The following RELCH variants were observed in gnomAD, a reference collection of about 807,000 sequenced individuals.
RELCH encodes the protein RAB11-binding protein RELCH.
Under a neutral mutation model 150.3 loss-of-function variants are expected in RELCH, and 41 were observed. That is an observed-to-expected ratio of 0.27 (90% CI 0.21 to 0.35). The LOEUF (loss-of-function observed/expected upper bound fraction) is 0.35, where lower values mean the gene tolerates loss of function less well. Ranked by LOEUF, RELCH falls within the 10% of genes least tolerant of loss-of-function variation. RELCH has a pLI of 1.00. For missense variants in RELCH, 1,092 were observed against 1,467.8 expected (o/e 0.74, Z 4.18); for synonymous variants, 478 against 531.8 (o/e 0.90, Z 1.39).
chr18:62,268,819 T>G, intron 19 of RELCH, 50 bp from the exon 20 acceptor site: 1 of 967,982 alleles, frequency 1.0e-6, no homozygotes. Flanking sequence ...ATTTTTTTCT[T>G]TACACTTAAA....
At chr18:62,207,066 A>G (rs2039846791) in intron 1 of RELCH, among the ~76,000 whole-genome samples, 1 of 152,086 alleles carries the variant, frequency 6.6e-6, no homozygotes, top group South Asian at 2.1e-4. Context: ...ACAGAATTGT[A>G]CAACCATTAC....
At chr18:62,294,612 C>G (rs1002134242) in intron 27 of RELCH, among the ~76,000 whole-genome samples, 13 of 152,158 alleles carry the variant, frequency 8.5e-5, no homozygotes, top group African/African-American at 3.1e-4. Flanking sequence ...TTATGAATAT[C>G]TGTTTCCAAT....
intron 15 of RELCH, among the ~76,000 whole-genome samples, chr18:62,259,375 A>T (rs1210762633): frequency 6.6e-6 from 1 of 151,934 alleles, no homozygotes; most frequent in Non-Finnish European, 1.5e-5. Context: ...TCAAGAAAGC[A>T]ATCACATTTA....
At chr18:62,226,758 G>A (rs545849264) in intron 5 of RELCH, among the ~76,000 whole-genome samples, 28 of 152,122 alleles carry the variant, frequency 1.8e-4, no homozygotes, top group African/African-American at 6.5e-4. Flanking sequence ...TAAACCTATT[G>A]ATCTAGAAGG....
At position 62,275,444 on chromosome 18, in the gene RELCH, G is replaced by T. The variant is rs1290530426; in HGVS notation, c.2938G>T (p.Val980Leu). 1 of 1,607,132 alleles carries T rather than the reference G, an allele frequency of 6.2e-7. No individual in the cohort carries two copies. The highest frequency in any genetic ancestry group is 8.5e-7 in the Non-Finnish European group (1 of 1,176,224). The part of the protein sequence containing the change: ...WYGVVHTSAL[V>L]RCTAARMFEL... ...TGGTGTTGTCCATACTTCAGCACTC[G>T]TGAGGTGTACTGCTGCTAGAATGTT... Residue 980 changes from valine to leucine, a missense_variant, in exon 22 of 29, where the codon GTG (valine) becomes TTG (leucine). Val to Leu is a conservative substitution (Grantham distance 32). Coordinates refer to ENST00000644646, the MANE Select transcript of RELCH (RefSeq NM_001346231.2).
In RELCH at chr18:62,282,466, T is replaced by C. The variant is rs117792984; in HGVS notation, c.3253+22T>C. ...GAGTGTAAGTTGCATTTTTCTACCT[T>C]TTTCCTGAATTGTAATGTAAGATCA... On this transcript the variant is annotated intron_variant, in intron 25 of 28. Transcript: ENST00000644646. 1,247 of 1,607,788 alleles carry C rather than the reference T, an allele frequency of 7.8e-4. 16 individuals carry two copies. The East Asian group carries it at 0.024, about 31-fold the overall frequency.
chr18:62,264,897 AAATGT>A lies in RELCH; in HGVS notation c.2631+51_2631+55del, dbSNP rs773720828. ...GTTTTCTTATATGAAAAAGACATAG[AAATGT>A]AATGTGTTAACACTGTAACAGGGTA... On this transcript the variant is annotated intron_variant, in intron 18 of 28. Coordinates refer to ENST00000644646, the MANE Select transcript of RELCH (RefSeq NM_001346231.2). The A allele has an allele frequency of 1.0e-5, 15 of 1,487,972 alleles. No homozygotes were observed. The African/African-American group carries it at 2.0e-4, about 19-fold the overall frequency. The allele number at this position is 1,487,972 out of a possible 1,614,324, so 92.2% of individuals were successfully genotyped here. A position where few individuals can be genotyped will look rare whatever the true frequency, so the allele number is the denominator to read the frequency against.
chr18:62,255,507 A>G (rs866302703), intron 13 of RELCH, 29 bp downstream of exon 13: 19 of 1,521,640 alleles, frequency 1.2e-5, no homozygotes, highest in Middle Eastern at 1.7e-4. Flanking sequence ...TTTTCTTTAA[A>G]CTATTTTTCC....
At chr18:62,228,247 C>T (rs1169046979) in intron 7 of RELCH, 58 bp from the exon 8 acceptor site, 1 of 1,322,962 alleles carries the variant, frequency 7.6e-7, no homozygotes, top group Non-Finnish European at 1.1e-6. Flanking sequence ...GAGATTTATG[C>T]TAGTTTTCAA....
At chr18:62,211,653 A>G (rs532978335) in intron 2 of RELCH, among the ~76,000 whole-genome samples, 31 of 152,216 alleles carry the variant, frequency 2.0e-4, no homozygotes, top group African/African-American at 6.0e-4. Flanking sequence ...ATGGTGGTTC[A>G]CACCTGTAAT....
At chr18:62,272,958 T>G (rs1428341900) in intron 20 of RELCH, among the ~76,000 whole-genome samples, 2 of 152,006 alleles carry the variant, frequency 1.3e-5, no homozygotes, top group Admixed American at 1.3e-4. Flanking sequence ...AACTGTTATA[T>G]TCACCCTTTT....
At chr18:62,200,001 C>T (rs1369017593) in intron 1 of RELCH, among the ~76,000 whole-genome samples, 1 of 152,122 alleles carries the variant, frequency 6.6e-6, no homozygotes, top group East Asian at 1.9e-4. Flanking sequence ...AATAATCATT[C>T]TCTTTACTAA....
intron 2 of RELCH, among the ~76,000 whole-genome samples, chr18:62,212,995 A>G (rs1249292735): frequency 1.3e-5 from 2 of 152,228 alleles, no homozygotes; most frequent in Non-Finnish European, 2.9e-5. Flanking sequence ...AGAATAGTTT[A>G]ATGTGGCTCT....
intron 14 of RELCH, 38 bp from the exon 15 acceptor site, chr18:62,258,474 C>G (rs1473952137): frequency 6.6e-7 from 1 of 1,523,778 alleles, no homozygotes; most frequent in African/African-American, 1.4e-5. Context: ...TAAGTTTATC[C>G]CTTTAAAAAT....
At chr18:62,214,475 G>C (rs948959419) in intron 2 of RELCH, among the ~76,000 whole-genome samples, 2 of 152,106 alleles carry the variant, frequency 1.3e-5, no homozygotes, top group Admixed American at 6.5e-5. Context: ...AGCTCTCCCA[G>C]GCTACTCCTG....
chr18:62,275,712 T>G (rs2044171725), intron 22 of RELCH: 1 of 347,512 alleles, frequency 2.9e-6, no homozygotes, highest in East Asian at 5.1e-5. Context: ...TTATCACTTT[T>G]ATTTCTCAAA....
chr18:62,226,614 A>G (rs2041232166), intron 5 of RELCH, among the ~76,000 whole-genome samples: 1 of 152,080 alleles, frequency 6.6e-6, no homozygotes, highest in Non-Finnish European at 1.5e-5. Context: ...TAATCTAAAC[A>G]TGTTTTATGA....
At chr18:62,197,549 C>T (rs924072353) in intron 1 of RELCH, among the ~76,000 whole-genome samples, 4 of 152,098 alleles carry the variant, frequency 2.6e-5, no homozygotes, top group African/African-American at 9.7e-5. Flanking sequence ...TTCACATCTA[C>T]AGTATACTTA....
At chr18:62,281,225 A>G (rs1313530060) in intron 24 of RELCH, among the ~76,000 whole-genome samples, 1 of 152,236 alleles carries the variant, frequency 6.6e-6, no homozygotes, top group African/African-American at 2.4e-5. Context: ...GCCTTCTATT[A>G]CCCGGTAGGC....
Sources: gnomAD v4.1 joint callset for allele counts (sites outside exome capture counted in the v4.1 genomes callset) on GRCh38, gnomAD v4.1.1 for gene constraint, MANE v1.5 for transcripts, NCBI Gene and HGNC (gene_info 2026-07-23, HGNC 2026-07-21) for gene names.